SPATA12: variants seen among roughly 807,000 people sequenced by gnomAD.
SPATA12 encodes the protein spermatogenesis associated 12.
For synonymous variants in SPATA12, 85 were observed against 89.2 expected (o/e 0.95, Z 0.26); for missense variants, 219 against 226.4 (o/e 0.97, Z 0.21).
In SPATA12 at chr3:57,074,904, AAC is replaced by A. The variant is rs1706139788; in HGVS notation, c.*643_*644del. 6.0e-6 allele frequency: 1 copy of A among 167,248 alleles called. No individual in the cohort carries two copies. Among genetic ancestry groups the A allele is most frequent in the Non-Finnish European group, 1.5e-5 (1 of 68,316 alleles). 10.4% of individuals were successfully genotyped at this position (167,248 alleles called of 1,614,324 possible). A position where few individuals can be genotyped will look rare whatever the true frequency, so the allele number is the denominator to read the frequency against. On this transcript the variant is annotated 3_prime_UTR_variant, in exon 2 of 2. Transcript: ENST00000334325. The stretch of plus-strand genomic sequence containing the variant: ...TACCAGCCTTCTAGTTGACCATCAG[AAC>A]ACACAACGCCAAGATCTTACTCCAG...
rs773776146 is a variant in SPATA12 at position 57,074,188 on chromosome 3, A to G, written c.494A>G (p.Gln165Arg). ...AGCACAGGGTGCAGCCGTTCAAACC[A>G]ACTGACATTTACTGAGGGCTGCTTT... ...PSSTGCSRSN[Q>R]LTFTEGCFVR... Residue 165 changes from glutamine (Q) to arginine (R), a missense_variant, in exon 2 of 2, where the codon CAA (glutamine) becomes CGA (arginine). Transcript: ENST00000334325. The G allele has an allele frequency of 1.2e-6, 2 of 1,614,026 alleles. No individual in the cohort carries two copies. The highest frequency in any genetic ancestry group is 3.3e-5 in the Admixed American group (2 of 59,990).
chr3:57,072,356 A>G (rs572636117), intron 1 of SPATA12, among the ~76,000 whole-genome samples: 39 of 152,204 alleles, frequency 2.6e-4, no homozygotes, highest in African/African-American at 8.4e-4. Flanking sequence ...AAGAGAGGAG[A>G]AATGTATACG....
In SPATA12 at chr3:57,073,665, CTGGAGAATTCTGTTTT is replaced by C; in HGVS notation, c.-27_-12del. On this transcript the variant is annotated 5_prime_UTR_variant, in exon 2 of 2. An upstream open reading frame in the 5' UTR loses its in-frame stop. Transcript: ENST00000334325. ...CGGCCAAGTGCCCCAGCCTCCTTTT[CTGGAGAATTCTGTTTT>C]TGACTTGGGCCCCATGTCCAGTTCT... is the stretch of plus-strand genomic sequence containing the variant. 1 of 1,589,732 alleles carries C rather than the reference CTGGAGAATTCTGTTTT, an allele frequency of 6.3e-7. No individual in the cohort carries two copies. The highest frequency in any genetic ancestry group is 8.6e-7 in the Non-Finnish European group (1 of 1,168,366).
intron 1 of SPATA12, among the ~76,000 whole-genome samples, chr3:57,064,309 T>TTTTTTTTTTCTTTC (rs1162735172): frequency 6.7e-6 from 1 of 148,936 alleles, no homozygotes; most frequent in Non-Finnish European, 1.5e-5. Context: ...AAATTCTTTC[T>TTTTTTTTTTCTTTC]TTTTTTTTTC....
chr3:57,067,850 C>T (rs945810574), intron 1 of SPATA12, among the ~76,000 whole-genome samples: 1 of 151,346 alleles, frequency 6.6e-6, no homozygotes, highest in Non-Finnish European at 1.5e-5. Context: ...ATTAGCCAGG[C>T]AAAGTGGCGG....
intron 1 of SPATA12, among the ~76,000 whole-genome samples, chr3:57,061,129 C>G (rs1170099507): frequency 1.3e-5 from 2 of 152,106 alleles, no homozygotes; most frequent in African/African-American, 4.8e-5. Flanking sequence ...AGCGGTAACT[C>G]CTCCTGCACC....
chr3:57,068,256 A>G (rs114575978), intron 1 of SPATA12, among the ~76,000 whole-genome samples: 1 of 152,298 alleles, frequency 6.6e-6, no homozygotes, highest in Non-Finnish European at 1.5e-5. Context: ...AGAAGCCACC[A>G]TACTCCACCA....
In SPATA12 at chr3:57,074,751, G is replaced by A. The variant is rs1049681955; in HGVS notation, c.*484G>A. ...GAAGAGGAAGGAGTCCACTGCCAGGGTAGGTGCAGTGGAGCAAGTCTTACA... is the reference window on the plus strand; with the variant it reads ...GAAGAGGAAGGAGTCCACTGCCAGGATAGGTGCAGTGGAGCAAGTCTTACA... On this transcript the variant is annotated 3_prime_UTR_variant, in exon 2 of 2. Coordinates refer to ENST00000334325, the MANE Select transcript of SPATA12 (RefSeq NM_181727.2). 3 of 181,722 alleles carry A rather than the reference G, an allele frequency of 1.7e-5. No homozygotes were observed. Among genetic ancestry groups the A allele is most frequent in the South Asian group, 3.1e-4 (2 of 6,396 alleles). The allele number at this position is 181,722 out of a possible 1,614,324, so 11.3% of individuals were successfully genotyped here.
intron 1 of SPATA12, among the ~76,000 whole-genome samples, chr3:57,067,976 C>A (rs938968033): frequency 7.9e-5 from 12 of 151,536 alleles, no homozygotes; most frequent in Non-Finnish European, 1.6e-4. Context: ...GGCGACAGAG[C>A]AAGACTCCGT....
intron 1 of SPATA12, among the ~76,000 whole-genome samples, chr3:57,062,266 G>T (rs546671376): frequency 5.9e-5 from 9 of 152,314 alleles, no homozygotes; most frequent in Non-Finnish European, 1.2e-4. Context: ...CTGGGTGAGT[G>T]CCTTCAAGCA....
At position 57,066,270 on chromosome 3, in the gene SPATA12, CT is replaced by C. The variant is rs796586047; in HGVS notation, c.-330+5497del. ...CAACCATTACACTTTTCCTTTCTTT[CT>C]TTTTTTTTTTTTCTGAAACAGAGTC... On this transcript the variant is annotated intron_variant, in intron 1 of 1. Coordinates refer to ENST00000334325, the MANE Select transcript of SPATA12 (RefSeq NM_181727.2). 9.6e-3 allele frequency among the ~76,000 whole-genome samples: 1,390 copies of C among 145,182 alleles called. 14 individuals carry two copies. Among genetic ancestry groups the C allele is most frequent in the African/African-American group, 0.031 (1,255 of 39,950 alleles).
chr3:57,067,242 G>A (rs1381711880), intron 1 of SPATA12, among the ~76,000 whole-genome samples: 1 of 151,844 alleles, frequency 6.6e-6, no homozygotes, highest in Non-Finnish European at 1.5e-5. Flanking sequence ...ACAAGGTCAG[G>A]AGATCGAGAC....
Position 57,074,299 on chromosome 3 carries a change from G to C in SPATA12, c.*32G>C, listed in dbSNP as rs1358506944. The C allele has an allele frequency of 1.3e-6, 2 of 1,578,518 alleles. No individual in the cohort carries two copies. The highest frequency in any genetic ancestry group is 1.7e-4 in the Middle Eastern group (1 of 5,950). On this transcript the variant is annotated 3_prime_UTR_variant, in exon 2 of 2. Transcript: ENST00000334325. ...ATAATCCTGCAACATCTGAGAGTCT[G>C]GCAGCTGTTTGTCTGGGCCTTTGCA...
chr3:57,071,087 A>G (rs1294690853), intron 1 of SPATA12, among the ~76,000 whole-genome samples: 1 of 152,198 alleles, frequency 6.6e-6, no homozygotes, highest in Non-Finnish European at 1.5e-5. Flanking sequence ...AAGACAGTAT[A>G]GACAGCAATA....
intron 1 of SPATA12, among the ~76,000 whole-genome samples, chr3:57,065,655 C>T (rs1031797181): frequency 2.0e-5 from 3 of 152,130 alleles, no homozygotes; most frequent in Admixed American, 6.5e-5. Flanking sequence ...TGTTTAATGT[C>T]TTCCAAATAC....
rs182185605 is a variant in SPATA12 at position 57,064,196 on chromosome 3, G to C, written c.-330+3410G>C. Among the ~76,000 whole-genome samples, 23 of 152,322 alleles carry C rather than the reference G, an allele frequency of 1.5e-4. No homozygotes were observed. In the South Asian group the frequency reaches 2.7e-3, roughly 18 times the overall value. ...AGGTCAGAGGATTGCTTGAGCCTGG[G>C]GGGTAGAGGTTGCAGTGAGCTGAGA... On this transcript the variant is annotated intron_variant, in intron 1 of 1. Coordinates refer to ENST00000334325, the MANE Select transcript of SPATA12 (RefSeq NM_181727.2).
At position 57,074,316 on chromosome 3, in the gene SPATA12, G is replaced by C; in HGVS notation, c.*49G>C. 6.5e-7 allele frequency: 1 copy of C among 1,539,212 alleles called. No individual in the cohort carries two copies. Among genetic ancestry groups the C allele is most frequent in the South Asian group, 1.2e-5 (1 of 83,632 alleles). On this transcript the variant is annotated 3_prime_UTR_variant, in exon 2 of 2. Transcript: ENST00000334325. ...GAGAGTCTGGCAGCTGTTTGTCTGG[G>C]CCTTTGCACATGCTATGCCCTCCCT...
At chr3:57,069,280 T>A (rs1442859070) in intron 1 of SPATA12, among the ~76,000 whole-genome samples, 2 of 152,076 alleles carry the variant, frequency 1.3e-5, no homozygotes, top group African/African-American at 2.4e-5. Context: ...GTTTCTCTTC[T>A]CCCAGAAACA....
intron 1 of SPATA12, among the ~76,000 whole-genome samples, chr3:57,062,072 C>G (rs1290040032): frequency 6.6e-6 from 1 of 152,108 alleles, no homozygotes; most frequent in Non-Finnish European, 1.5e-5. Context: ...GGATGCTCCA[C>G]TGGATTGGAT....
Sources: gnomAD v4.1 joint callset for allele counts (sites outside exome capture counted in the v4.1 genomes callset) on GRCh38, gnomAD v4.1.1 for gene constraint, MANE v1.5 for transcripts, NCBI Gene and HGNC (gene_info 2026-07-23, HGNC 2026-07-21) for gene names.